The following CILK1 variants were observed in gnomAD, a reference collection of about 807,000 sequenced individuals.
CILK1 encodes ciliogenesis associated kinase 1, also known as serine/threonine-protein kinase ICK.
CILK1 carries 47 observed loss-of-function variants against 79.2 expected under a neutral mutation model. The observed-to-expected ratio is 0.59, with a 90% CI of 0.47 to 0.76. The LOEUF is 0.76. Ranked by LOEUF, CILK1 falls within the 30% of genes least tolerant of loss-of-function variation. The pLI is 0.00. For synonymous variants in CILK1, 266 were observed against 275.9 expected, an observed-to-expected ratio of 0.96 and a Z score of 0.36; for missense variants, 660 against 769.5, an observed-to-expected ratio of 0.86 and a Z score of 1.68.
chr6:53,025,261 G>A (rs1315986049), intron 5 of CILK1, among the ~76,000 whole-genome samples: 1 of 151,904 alleles, frequency 6.6e-6, no homozygotes, highest in East Asian at 1.9e-4. Flanking sequence ...TGGCAGTTCC[G>A]TTATAATGGG....
Position 53,032,599 on chromosome 6 carries a change from T to C in CILK1, c.212A>G (p.Glu71Gly). The change falls in exon 4 of 14, where the codon GAA becomes GGA. Residue 71 changes from glutamate to glycine, a missense_variant. Coordinates refer to ENST00000676107, the MANE Select transcript of CILK1 (RefSeq NM_014920.5). ...GAAGATAAAATAAAGATGATCATTT[T>C]CCCTGATAACTTCTTTTAATTTGAC... ...NVVKLKEVIR[E>G]NDHLYFIFEY... The C allele has an allele frequency of 3.1e-6, 5 of 1,606,702 alleles. No individual in the cohort carries two copies. The highest frequency in any genetic ancestry group is 4.3e-6 in the Non-Finnish European group (5 of 1,174,372).
At chr6:53,007,649 G>T (rs1012576393) in intron 12 of CILK1, among the ~76,000 whole-genome samples, 5 of 152,120 alleles carry the variant, frequency 3.3e-5, no homozygotes, top group African/African-American at 1.2e-4. Flanking sequence ...GTTGACTCTG[G>T]CTGGGCATGG....
At chr6:53,029,079 A>G (rs975059061) in intron 5 of CILK1, among the ~76,000 whole-genome samples, 2 of 152,178 alleles carry the variant, frequency 1.3e-5, no homozygotes, top group African/African-American at 4.8e-5. Context: ...AAAAAACCAA[A>G]GAATATTAAC....
intron 1 of CILK1, among the ~76,000 whole-genome samples, chr6:53,059,153 C>T (rs190394043): frequency 9.9e-5 from 15 of 152,242 alleles, no homozygotes; most frequent in African/African-American, 3.4e-4. Flanking sequence ...GATAAGCAGA[C>T]CTTTATCATG....
Position 53,013,678 on chromosome 6 carries a change from T to C in CILK1, c.1136A>G (p.Asn379Ser), listed in dbSNP as rs1265129472. 1 of 1,614,038 alleles carries C rather than the reference T, an allele frequency of 6.2e-7. No homozygotes were observed. Among genetic ancestry groups the C allele is most frequent in the Non-Finnish European group, 8.5e-7 (1 of 1,179,956 alleles). The change falls in exon 9 of 14, where the codon AAC (asparagine) becomes AGC (serine). Residue 379 changes from asparagine (N) to serine (S), a missense_variant. Coordinates refer to ENST00000676107, the MANE Select transcript of CILK1 (RefSeq NM_014920.5). ...PSPLLFPSLH[N>S]KHPQSKITAG... Reference sequence around the variant, plus strand: ...GCTGCTCACCGACTGTGGATGCTTGTTGTGGAGGGATGGGAAAAGCAACGG... The same window carrying C: ...GCTGCTCACCGACTGTGGATGCTTGCTGTGGAGGGATGGGAAAAGCAACGG...
In CILK1 at chr6:53,031,084, G is replaced by C. The variant is rs148180965; in HGVS notation, c.339C>G (p.Leu113=). The C allele has an allele frequency of 1.9e-6, 3 of 1,607,104 alleles. No individual in the cohort carries two copies. The East Asian group carries it at 6.7e-5, about 36-fold the overall frequency. ...RNIMYQILQG[L]AFIHKHGFFH... is the part of the protein sequence containing the mutation. ...ACCTACCGTGTTTGTGAATAAATGC[G>C]AGTCCTTGTAATATCTGATACATGA... Residue 113 remains leucine, a synonymous_variant, in exon 5 of 14, where the codon CTC becomes CTG. Transcript: ENST00000676107.
chr6:53,038,074 C>T, intron 2 of CILK1, 81 bp from the exon 3 acceptor site: 1 of 916,698 alleles, frequency 1.1e-6, no homozygotes, highest in Admixed American at 1.8e-5. Flanking sequence ...TGCTTCCATT[C>T]TGATCCTAAT....
chr6:53,022,381 C>A (rs1765301544), intron 5 of CILK1, among the ~76,000 whole-genome samples: 1 of 152,132 alleles, frequency 6.6e-6, no homozygotes, highest in Non-Finnish European at 1.5e-5. Flanking sequence ...TTTTACTGTA[C>A]CTTTTCTATG....
chr6:53,031,216 C>T (rs73443350), intron 4 of CILK1, 72 bp from the exon 5 acceptor site: 8 of 939,372 alleles, frequency 8.5e-6, no homozygotes. Context: ...CTAAAGAATA[C>T]CATTTGTCCA....
chr6:53,016,165 A>G lies in CILK1; in HGVS notation c.749T>C (p.Ile250Thr). The part of the protein sequence containing the change: ...QCVPNNLKTL[I>T]PNASSEAVQL... ...GACTGCTTCACTGCTAGCATTGGGA[A>G]TCAAGGTCTTTAAGTTATTGGGTAC... Residue 250 changes from isoleucine (I) to threonine (T), a missense_variant, in exon 8 of 14, where the codon ATT (isoleucine) becomes ACT (threonine). Coordinates refer to ENST00000676107, the MANE Select transcript of CILK1 (RefSeq NM_014920.5). The G allele has an allele frequency of 1.2e-6, 2 of 1,614,166 alleles. No individual in the cohort carries two copies. The highest frequency in any genetic ancestry group is 1.7e-6 in the Non-Finnish European group (2 of 1,179,986).
chr6:53,048,813 G>A (rs1342514717), intron 1 of CILK1, among the ~76,000 whole-genome samples: 1 of 152,190 alleles, frequency 6.6e-6, no homozygotes, highest in African/African-American at 2.4e-5. Flanking sequence ...ATAGATCTAA[G>A]CCAAGCAAAG....
intron 6 of CILK1, among the ~76,000 whole-genome samples, chr6:53,018,919 T>G (rs1562013118): frequency 6.6e-6 from 1 of 152,200 alleles, no homozygotes; most frequent in Admixed American, 6.5e-5. Flanking sequence ...ACAATAGCAA[T>G]TAGATGGTTC....
chr6:53,037,405 G>T (rs1374097605), intron 3 of CILK1, among the ~76,000 whole-genome samples: 2 of 88,928 alleles, frequency 2.2e-5, no homozygotes, highest in African/African-American at 7.6e-5. Flanking sequence ...ACCTCAGCAA[G>T]GAGGAACGGA....
intron 3 of CILK1, among the ~76,000 whole-genome samples, chr6:53,035,258 CT>C (rs1562029567): frequency 6.6e-6 from 1 of 151,404 alleles, no homozygotes; most frequent in Non-Finnish European, 1.5e-5. Context: ...GGGCTTGGGA[CT>C]TTTTTGGGTT....
chr6:53,031,460 G>T (rs1028353102), intron 4 of CILK1, among the ~76,000 whole-genome samples: 2 of 152,080 alleles, frequency 1.3e-5, no homozygotes, highest in Non-Finnish European at 2.9e-5. Flanking sequence ...TTTCCTCCTG[G>T]CTGGGCAAAA....
intron 1 of CILK1, among the ~76,000 whole-genome samples, chr6:53,050,612 G>A (rs1767417151): frequency 6.6e-6 from 1 of 152,040 alleles, no homozygotes; most frequent in African/African-American, 2.4e-5. Flanking sequence ...TGTTGCTTAA[G>A]TCCAGGAGTT....
intron 5 of CILK1, among the ~76,000 whole-genome samples, chr6:53,021,388 C>T (rs1203888969): frequency 6.6e-6 from 1 of 152,130 alleles, no homozygotes; most frequent in Non-Finnish European, 1.5e-5. Flanking sequence ...TTCTCACTGC[C>T]TATGCCTGCA....
In CILK1 at chr6:53,020,275, C is replaced by T. The variant is rs77796007; in HGVS notation, c.359-916G>A. ...TGGCAATCTTCCAAGCTCACTCAAACGCCCAGTGAATTGCAATATATGTCT... is the reference window on the plus strand; with the variant it reads ...TGGCAATCTTCCAAGCTCACTCAAATGCCCAGTGAATTGCAATATATGTCT... On this transcript the variant is annotated intron_variant, in intron 5 of 13. Coordinates refer to ENST00000676107, the MANE Select transcript of CILK1 (RefSeq NM_014920.5). Among the ~76,000 whole-genome samples, 68 of 152,234 alleles carry T rather than the reference C, an allele frequency of 4.5e-4. No individual in the cohort carries two copies. In the Middle Eastern group the frequency reaches 0.014, roughly 30 times the overall value.
At position 53,011,810 on chromosome 6, in the gene CILK1, G is replaced by A. The variant is rs756801473; in HGVS notation, c.1451C>T (p.Ala484Val). 2 of 1,614,164 alleles carry A rather than the reference G, an allele frequency of 1.2e-6. No individual in the cohort carries two copies. The highest frequency in any genetic ancestry group is 1.7e-6 in the Non-Finnish European group (2 of 1,180,012). ...QRRDTPTLRS[A>V]AKQHYLKHSR... is the part of the protein sequence containing the mutation. ...GTGCTTCAAATAGTGCTGCTTGGCT[G>A]CAGATCTCAGGGTGGGCGTGTCTCG... The change falls in exon 11 of 14, where the codon GCA becomes GTA. Residue 484 changes from alanine to valine, a missense_variant. Transcript: ENST00000676107.
Sources: allele counts gnomAD v4.1 joint callset (sites outside exome capture counted in the v4.1 genomes callset), GRCh38; gene constraint gnomAD v4.1.1; transcripts MANE v1.5; gene names NCBI Gene and HGNC (gene_info 2026-07-23, HGNC 2026-07-21).